Variants in GSE1 observed in about 807,000 individuals in gnomAD.
The protein encoded by GSE1 is genetic suppressor element 1.
Under a neutral mutation model 112.6 loss-of-function variants are expected in GSE1, and 32 were observed. The ratio of observed to expected loss-of-function variants is 0.28; its 90% CI spans 0.21 to 0.38. The LOEUF (loss-of-function observed/expected upper bound fraction) is 0.38. GSE1 is among the 10% of genes least tolerant of loss of function. GSE1 has a pLI of 1.00. For missense variants in GSE1, 2,348 were observed against 1,699.2 expected, an observed-to-expected ratio of 1.38 and a Z score of -6.71; for synonymous variants, 1,115 against 735.6, an observed-to-expected ratio of 1.52 and a Z score of -8.35.
chr16:85,170,513 A>G (rs1597706723), exon 1 of GSE1: 2 of 985,828 alleles, frequency 2.0e-6, no homozygotes, highest in Non-Finnish European at 2.4e-6. Flanking sequence ...ACCAGTGGGG[A>G]AGAGGACCAC....
intron 1 of GSE1, among the ~76,000 whole-genome samples, chr16:85,295,812 C>T (rs540493903): frequency 3.3e-5 from 5 of 150,766 alleles, no homozygotes; most frequent in East Asian, 3.9e-4. Context: ...TCTGTGTTGC[C>T]CAGGCTGATC....
In GSE1 at chr16:85,639,325, C is replaced by T. The variant is rs1009348061; in HGVS notation, c.226+5193C>T. Among the ~76,000 whole-genome samples, 10 of 152,328 alleles carry T rather than the reference C, an allele frequency of 6.6e-5. No individual in the cohort carries two copies. The South Asian group carries it at 1.0e-3, about 16-fold the overall frequency. On this transcript the variant is annotated intron_variant, in intron 2 of 15. Transcript: ENST00000253458. ...CTCCTCGGAATGGCGGCCTGGCCAC[C>T]GCCTCCCTCCCTGCCTCTCCTACCA... is the stretch of plus-strand genomic sequence containing the variant.
chr16:85,203,793 A>T (rs1335131271), intron 1 of GSE1, among the ~76,000 whole-genome samples: 6 of 152,192 alleles, frequency 3.9e-5, no homozygotes, highest in Non-Finnish European at 8.8e-5. Context: ...GCTGGTGTGC[A>T]GTGGTGTGAT....
At position 85,482,472 on chromosome 16, in the gene GSE1, G is replaced by A. The variant is rs1044707936; in HGVS notation, c.2464+124829G>A. Among the ~76,000 whole-genome samples, 8 of 151,104 alleles carry A rather than the reference G, an allele frequency of 5.3e-5. No homozygotes were observed. The East Asian group carries it at 7.8e-4, about 15-fold the overall frequency. ...ACTCGAGCGACCCGCGACCTGCAGC[G>A]GGTCCCTCAGCCTCCACGTGACTCA... is the stretch of plus-strand genomic sequence containing the variant. On this transcript the variant is annotated intron_variant, in intron 2 of 2. Transcript: ENST00000637419.
At chr16:85,199,421 G>A (rs4238717) in intron 1 of GSE1, among the ~76,000 whole-genome samples, 103,865 of 151,986 alleles carry the variant, frequency 0.68, 35,960 homozygotes, top group African/African-American at 0.78. Flanking sequence ...GGACTCACGG[G>A]GCCGAGTCTT....
At chr16:85,240,401 G>A (rs1905078863) in intron 1 of GSE1, among the ~76,000 whole-genome samples, 1 of 152,234 alleles carries the variant, frequency 6.6e-6, no homozygotes, top group South Asian at 2.1e-4. Flanking sequence ...CCCACCAAGG[G>A]GGAGGGGGGT....
intron 1 of GSE1, among the ~76,000 whole-genome samples, chr16:85,182,960 G>A (rs1057316309): frequency 3.9e-5 from 6 of 151,998 alleles, no homozygotes; most frequent in African/African-American, 1.5e-4. Flanking sequence ...ATGCGTACAC[G>A]TTCACATGCA....
intron 1 of GSE1, among the ~76,000 whole-genome samples, chr16:85,313,683 CAG>C (rs958668721): frequency 2.6e-5 from 4 of 152,182 alleles, no homozygotes; most frequent in Non-Finnish European, 5.9e-5. Flanking sequence ...TCTGGGCGGT[CAG>C]AACAGGCTGT....
intron 2 of GSE1, among the ~76,000 whole-genome samples, chr16:85,644,939 T>C (rs2050731414): frequency 6.6e-6 from 1 of 151,918 alleles, no homozygotes; most frequent in African/African-American, 2.4e-5. Context: ...TCTCAAAATC[T>C]AAATACATAC....
chr16:85,611,932 C>T (rs2048010682), upstream of GSE1, among the ~76,000 whole-genome samples: 2 of 151,816 alleles, frequency 1.3e-5, no homozygotes, highest in African/African-American at 2.4e-5. Context: ...AAGCCTGGCG[C>T]GGGCATGTCC....
At chr16:85,557,963 C>A (rs1262270951) in intron 1 of GSE1, among the ~76,000 whole-genome samples, 1 of 149,526 alleles carries the variant, frequency 6.7e-6, no homozygotes, top group Non-Finnish European at 1.5e-5. Flanking sequence ...CATTCTTGAT[C>A]TTTTTTTTTT....
intron 2 of GSE1, among the ~76,000 whole-genome samples, chr16:85,523,067 G>C (rs1396178738): frequency 6.6e-6 from 1 of 151,962 alleles, no homozygotes; most frequent in Admixed American, 6.6e-5. Flanking sequence ...ATGTGTGCAT[G>C]TGACTGTGTT....
chr16:85,663,321 A>G, intron 10 of GSE1, 23 bp from the exon 11 acceptor site: 1 of 1,612,396 alleles, frequency 6.2e-7, no homozygotes, highest in Admixed American at 1.7e-5. Flanking sequence ...CTTCAAACTC[A>G]TTTGTTTTCT....
intron 1 of GSE1, among the ~76,000 whole-genome samples, chr16:85,581,753 CCTT>C (rs1289488277): frequency 6.6e-6 from 1 of 152,148 alleles, no homozygotes; most frequent in Non-Finnish European, 1.5e-5. Flanking sequence ...GTGAGCTCGC[CCTT>C]CCTTGAGAGG....
intron 2 of GSE1, among the ~76,000 whole-genome samples, chr16:85,483,109 C>T (rs529603268): frequency 6.6e-6 from 1 of 152,338 alleles, no homozygotes; most frequent in Admixed American, 6.5e-5. Flanking sequence ...GTGTAAGTTA[C>T]CTCTGGCTAT....
At chr16:85,279,188 G>T (rs147771959) in intron 1 of GSE1, among the ~76,000 whole-genome samples, 3 of 152,140 alleles carry the variant, frequency 2.0e-5, no homozygotes. Context: ...ATAGTGGGGA[G>T]GGGGGAGGAG....
chr16:85,556,480 G>C (rs2045218642), intron 1 of GSE1: 1 of 242,676 alleles, frequency 4.1e-6, no homozygotes, highest in African/African-American at 2.4e-5. Context: ...TGGGTCCGCC[G>C]GTGCCCCCCG....
chr16:85,534,745 C>T (rs757628136), intron 2 of GSE1, among the ~76,000 whole-genome samples: 29 of 151,870 alleles, frequency 1.9e-4, no homozygotes, highest in Non-Finnish European at 4.0e-4. Context: ...GGTAGTTTTG[C>T]CTGCTGTGGA....
intron 1 of GSE1, among the ~76,000 whole-genome samples, chr16:85,334,894 G>C (rs557955772): frequency 3.3e-5 from 5 of 152,150 alleles, no homozygotes; most frequent in Admixed American, 1.3e-4. Context: ...ACCCGGAAGA[G>C]AGCTGCTCCA....
Sources: allele counts gnomAD v4.1 joint callset (sites outside exome capture counted in the v4.1 genomes callset), GRCh38; gene constraint gnomAD v4.1.1; transcripts MANE v1.5; gene names NCBI Gene and HGNC (gene_info 2026-07-23, HGNC 2026-07-21).